The following ARHGEF26 variants were observed in gnomAD, a reference collection of about 807,000 sequenced individuals.
ARHGEF26 encodes Rho guanine nucleotide exchange factor 26, also known as Rho guanine nucleotide exchange factor (GEF) 26.
Under a neutral mutation model 89.4 loss-of-function variants are expected in ARHGEF26, and 59 were observed. The ratio of observed to expected loss-of-function variants is 0.66; its 90% CI spans 0.54 to 0.82. ARHGEF26 has a LOEUF of 0.82. ARHGEF26 is among the 40% of genes least tolerant of loss of function. ARHGEF26 has a pLI of 0.00. For missense variants in ARHGEF26, 1,234 were observed against 1,085.6 expected (o/e 1.14, Z -1.92); for synonymous variants, 500 against 428.4 (o/e 1.17, Z -2.06).
At chr3:154,150,654 G>A (rs1016669746) in intron 5 of ARHGEF26, among the ~76,000 whole-genome samples, 8 of 152,030 alleles carry the variant, frequency 5.3e-5, no homozygotes, top group African/African-American at 1.9e-4. Context: ...TGGACAGTAG[G>A]TGGGACTTTT....
intron 11 of ARHGEF26, among the ~76,000 whole-genome samples, chr3:154,230,337 G>A (rs573339657): frequency 2.0e-5 from 3 of 152,176 alleles, no homozygotes; most frequent in Non-Finnish European, 2.9e-5. Context: ...TCTTTTTCAA[G>A]GTCTTTCAGC....
At chr3:154,204,405 G>A (rs1350711854) in intron 9 of ARHGEF26, among the ~76,000 whole-genome samples, 1 of 144,332 alleles carries the variant, frequency 6.9e-6, no homozygotes, top group African/African-American at 2.6e-5. Flanking sequence ...CATGATCTTG[G>A]TTCACTGCAA....
chr3:154,125,427 T>C (rs923601664), intron 3 of ARHGEF26, among the ~76,000 whole-genome samples: 1 of 152,208 alleles, frequency 6.6e-6, no homozygotes, highest in Non-Finnish European at 1.5e-5. Flanking sequence ...TCCCTAATTT[T>C]ATAATTGAGG....
In ARHGEF26 at chr3:154,239,289, A is replaced by AGT. The variant is rs1717328853; in HGVS notation, c.2091-1080_2091-1079insTG. On this transcript the variant is annotated intron_variant, in intron 11 of 14. Transcript: ENST00000465093. ...GAGAGAGAGAGAGAGAGAGAGAGAG[A>AGT]GAGAGAGAGAGTGTGTGTGTGTGTG... 5.2e-4 allele frequency among the ~76,000 whole-genome samples: 54 copies of AGT among 103,662 alleles called. No individual in the cohort carries two copies. The East Asian group carries it at 0.01, about 20-fold the overall frequency. 68.0% of individuals were successfully genotyped at this position (103,662 alleles called of 152,430 possible). A position where few individuals can be genotyped will look rare whatever the true frequency, so the allele number is the denominator to read the frequency against.
intron 2 of ARHGEF26, among the ~76,000 whole-genome samples, chr3:154,123,294 CT>C (rs1184921266): frequency 2.6e-5 from 4 of 152,264 alleles, no homozygotes; most frequent in African/African-American, 9.6e-5. Flanking sequence ...AAATTCATCA[CT>C]TTTAAATTTC....
At chr3:154,125,383 G>A (rs543614820) in intron 3 of ARHGEF26, among the ~76,000 whole-genome samples, 1 of 152,262 alleles carries the variant, frequency 6.6e-6, no homozygotes, top group South Asian at 2.1e-4. Context: ...AGGAAATCCA[G>A]ATATAGTATT....
intron 11 of ARHGEF26, among the ~76,000 whole-genome samples, chr3:154,226,686 C>CACACACACAT (rs1716511358): frequency 6.6e-6 from 1 of 152,142 alleles, no homozygotes; most frequent in South Asian, 2.1e-4. Context: ...CACACACACA[C>CACACACACAT]ACACACACAC....
rs547625529 is a variant in ARHGEF26 at position 154,203,209 on chromosome 3, G to A, written c.1845+8491G>A. Reference sequence around the variant, plus strand: ...ATTTATTGAGAGTTTTTAGCATGAAGGGTTGTTGAATTTTGTCAAAGGCCT... The same window carrying A: ...ATTTATTGAGAGTTTTTAGCATGAAAGGTTGTTGAATTTTGTCAAAGGCCT... On this transcript the variant is annotated intron_variant, in intron 9 of 14. Coordinates refer to ENST00000465093, the MANE Select transcript of ARHGEF26 (RefSeq NM_015595.4). Among the ~76,000 whole-genome samples the A allele has an allele frequency of 5.9e-5, 9 of 152,248 alleles. No homozygotes were observed. In the East Asian group the frequency reaches 1.5e-3, roughly 26 times the overall value.
rs1576840656 is a variant in ARHGEF26 at position 154,256,574 on chromosome 3, A to C, written c.*1101A>C. ...AAAAAAAAAAAAAAAAAAAAAAAAA[A>C]ACCTTCCCAAATGAGCTGATAAAAA... On this transcript the variant is annotated 3_prime_UTR_variant, in exon 15 of 15. Transcript: ENST00000465093. 2 of 850,122 alleles carry C rather than the reference A, an allele frequency of 2.4e-6. No individual in the cohort carries two copies. The highest frequency in any genetic ancestry group is 5.6e-5 in the South Asian group (1 of 17,702). The allele number at this position is 850,122 out of a possible 1,614,324, so 52.7% of individuals were successfully genotyped here.
At chr3:154,138,974 G>T in intron 4 of ARHGEF26, among the ~76,000 whole-genome samples, 1 of 152,308 alleles carries the variant, frequency 6.6e-6, no homozygotes, top group African/African-American at 2.4e-5. Flanking sequence ...TACTGGTGCT[G>T]CTGCAAGATC....
intron 6 of ARHGEF26, among the ~76,000 whole-genome samples, chr3:154,162,022 G>C (rs1303812499): frequency 6.6e-6 from 1 of 152,200 alleles, no homozygotes; most frequent in Non-Finnish European, 1.5e-5. Flanking sequence ...CTTGGATAAT[G>C]AGCCTGGTTG....
At position 154,122,521 on chromosome 3, in the gene ARHGEF26, G is replaced by C. The variant is rs1178625556; in HGVS notation, c.529G>C (p.Gly177Arg). Residue 177 changes from glycine (G) to arginine (R), a missense_variant, in exon 2 of 15, where the codon GGC (glycine) becomes CGC (arginine). By Grantham distance (125) the Gly-to-Arg change is moderately radical. Transcript: ENST00000465093. ...ASPVPSPTANGLAANNDSPGS... is the reference protein window; with the variant it reads ...ASPVPSPTANRLAANNDSPGS... ...CCCGGTGCCTTCGCCCACTGCAAATGGCCTTGCCGCTAATAACGACTCTCC... is the reference window on the plus strand; with the variant it reads ...CCCGGTGCCTTCGCCCACTGCAAATCGCCTTGCCGCTAATAACGACTCTCC... 1 of 1,613,438 alleles carries C rather than the reference G, an allele frequency of 6.2e-7. No individual in the cohort carries two copies. Among genetic ancestry groups the C allele is most frequent in the Admixed American group, 1.7e-5 (1 of 60,024 alleles).
chr3:154,252,352 A>C (rs1718209859), intron 12 of ARHGEF26, among the ~76,000 whole-genome samples: 1 of 152,130 alleles, frequency 6.6e-6, no homozygotes, highest in African/African-American at 2.4e-5. Context: ...TACATAAGAG[A>C]GTTAAAAGTA....
At chr3:154,216,482 TTTTTTTTTTATTTTTTTTTATTTTTTA>T (rs1276237350) in intron 9 of ARHGEF26, among the ~76,000 whole-genome samples, 1 of 28,230 alleles carries the variant, frequency 3.5e-5, no homozygotes, top group Non-Finnish European at 6.1e-5. Context: ...GCACTTGTTT[TTTTTTTTTTATTTTTTTTTATTTTTTA>T]TTTTTTTTTT....
rs1375993445 is a variant in ARHGEF26 at position 154,254,842 on chromosome 3, T to TA, written c.2473+19dup. ...CAGCGATGGTGAGTGGGAGCGTTCT[T>TA]ATGGGACACTCGTGGTCCAGGATGC... is the stretch of plus-strand genomic sequence containing the variant. On this transcript the variant is annotated intron_variant, in intron 14 of 14. Coordinates refer to ENST00000465093, the MANE Select transcript of ARHGEF26 (RefSeq NM_015595.4). 1.9e-6 allele frequency: 3 copies of TA among 1,604,430 alleles called. No homozygotes were observed. Among genetic ancestry groups the TA allele is most frequent in the Non-Finnish European group, 2.6e-6 (3 of 1,172,384 alleles).
chr3:154,253,289 TTC>T, intron 13 of ARHGEF26, 106 bp downstream of exon 13: 1 of 1,301,468 alleles, frequency 7.7e-7, no homozygotes, highest in Non-Finnish European at 1.1e-6. Context: ...TTGCCTAAGT[TTC>T]CTCCAGGGCT....
chr3:154,218,148 C>G (rs1029352213), intron 10 of ARHGEF26, among the ~76,000 whole-genome samples, 190 bp downstream of exon 10: 7 of 152,048 alleles, frequency 4.6e-5, no homozygotes, highest in African/African-American at 1.7e-4. Context: ...TTCCTCCAGG[C>G]CCTGAAGCCA....
At chr3:154,138,242 A>T (rs1560046599) in intron 4 of ARHGEF26, among the ~76,000 whole-genome samples, 2 of 152,038 alleles carry the variant, frequency 1.3e-5, no homozygotes, top group Non-Finnish European at 2.9e-5. Context: ...ATACATGTAA[A>T]TTTTTTTAAT....
At chr3:154,236,634 C>T (rs1221528912) in intron 11 of ARHGEF26, among the ~76,000 whole-genome samples, 1 of 152,162 alleles carries the variant, frequency 6.6e-6, no homozygotes. Flanking sequence ...TCTTTCCCAA[C>T]CCTGTTTAGC....
Sources: allele counts gnomAD v4.1 joint callset (sites outside exome capture counted in the v4.1 genomes callset), GRCh38; gene constraint gnomAD v4.1.1; transcripts MANE v1.5; gene names NCBI Gene and HGNC (gene_info 2026-07-23, HGNC 2026-07-21).